Variants in DAB1 observed in about 807,000 individuals in gnomAD.
DAB1 encodes the protein DAB adaptor protein 1, also known as disabled homolog 1.
DAB1 carries 15 observed loss-of-function variants against 64.6 expected under a neutral mutation model. That is an observed-to-expected ratio of 0.23 (90% CI 0.16 to 0.36). The LOEUF is 0.36. Among genes scored for constraint, DAB1 ranks in the 10% least tolerant of loss-of-function variants. The pLI, the probability that DAB1 is intolerant of heterozygous loss-of-function variation, is 1.00. For missense variants in DAB1, 596 were observed against 706.7 expected (o/e 0.84, Z 1.78); for synonymous variants, 235 against 251.9 (o/e 0.93, Z 0.64).
intron 4 of DAB1, among the ~76,000 whole-genome samples, chr1:58,192,275 A>G (rs1278894357): frequency 3.3e-5 from 5 of 152,140 alleles, no homozygotes; most frequent in Non-Finnish European, 5.9e-5. Context: ...AATTATTTTT[A>G]ATTTTATATA....
chr1:57,641,378 G>GTTTTTTTTTTTTTTTTTTTTTTT (rs1491296848), intron 7 of DAB1, among the ~76,000 whole-genome samples: 2 of 109,802 alleles, frequency 1.8e-5, no homozygotes, highest in African/African-American at 3.3e-5. Context: ...TTTTTTTGTT[G>GTTTTTTTTTTTTTTTTTTTTTTT]GTTTTTTTTT....
At chr1:57,792,771 T>C (rs1182739198) in intron 6 of DAB1, among the ~76,000 whole-genome samples, 1 of 152,230 alleles carries the variant, frequency 6.6e-6, no homozygotes, top group African/African-American at 2.4e-5. Context: ...GAGAGCTTGG[T>C]TTCCTTTTAT....
At chr1:57,455,511 A>G (rs1686554854) in intron 7 of DAB1, among the ~76,000 whole-genome samples, 1 of 152,150 alleles carries the variant, frequency 6.6e-6, no homozygotes, top group Non-Finnish European at 1.5e-5. Context: ...CGATTAGGGT[A>G]GGTTTTAGTA....
chr1:57,332,736 T>C (rs1676775762), intron 1 of DAB1, among the ~76,000 whole-genome samples: 1 of 152,126 alleles, frequency 6.6e-6, no homozygotes, highest in Admixed American at 6.5e-5. Context: ...CCAATAGATT[T>C]AAAAAAATGG....
Position 58,300,602 on chromosome 1 carries a change from A to AAG in DAB1, n.309+42748_309+42749dup, listed in dbSNP as rs1415601253. ...AAAGAAAGAAAGAAAGAAAGAAAGA[A>AAG]AGAAAGAAAGAGAGAGAGAGAGAGA... On this transcript the variant is annotated intron_variant and non_coding_transcript_variant, in intron 4 of 20. Transcript: ENST00000485760. 6.2e-3 allele frequency among the ~76,000 whole-genome samples: 244 copies of AAG among 39,330 alleles called. 4 individuals carry two copies. Among genetic ancestry groups the AAG allele is most frequent in the African/African-American group, 0.02 (234 of 11,964 alleles). The allele number at this position is 39,330 out of a possible 152,430, so 25.8% of individuals were successfully genotyped here.
At chr1:57,163,337 T>C (rs1188690384) in intron 2 of DAB1, among the ~76,000 whole-genome samples, 1 of 152,046 alleles carries the variant, frequency 6.6e-6, no homozygotes, top group Non-Finnish European at 1.5e-5. Context: ...TCTGTAGAAA[T>C]GACATTTGAA....
upstream of DAB1, among the ~76,000 whole-genome samples, chr1:57,884,832 G>A (rs1053803392): frequency 1.3e-5 from 2 of 152,084 alleles, no homozygotes; most frequent in African/African-American, 2.4e-5. Context: ...GTGAGTTCTC[G>A]CTCTGTTAGT....
At chr1:57,733,134 C>T (rs1199806313) in intron 6 of DAB1, among the ~76,000 whole-genome samples, 1 of 152,050 alleles carries the variant, frequency 6.6e-6, no homozygotes, top group African/African-American at 2.4e-5. Context: ...ATAAGGAAAT[C>T]AACCACTGAA....
At position 57,568,411 on chromosome 1, in the gene DAB1, C is replaced by A. The variant is rs918846817; in HGVS notation, n.625+81181G>T. 3.3e-5 allele frequency among the ~76,000 whole-genome samples: 5 copies of A among 152,182 alleles called. No homozygotes were observed. In the East Asian group the frequency reaches 7.7e-4, roughly 24 times the overall value. On this transcript the variant is annotated intron_variant and non_coding_transcript_variant, in intron 7 of 20. Transcript: ENST00000485760. The stretch of plus-strand genomic sequence containing the variant: ...ACACCAAAAGCAATGGCAACAAAAG[C>A]CAAAATTGACAAATGGGATCGAATT...
chr1:57,890,456 C>CTTTTCT (rs751702640), intron 5 of DAB1, among the ~76,000 whole-genome samples: 1 of 136,616 alleles, frequency 7.3e-6, no homozygotes, highest in South Asian at 2.3e-4. Context: ...CTTTTCTTTT[C>CTTTTCT]TTTTTTTTTT....
intron 5 of DAB1, among the ~76,000 whole-genome samples, chr1:57,996,336 A>C (rs531343997): frequency 6.6e-6 from 1 of 152,228 alleles, no homozygotes; most frequent in Non-Finnish European, 1.5e-5. Flanking sequence ...GTATTTTTCA[A>C]AAACTTAGCA....
chr1:57,203,559 C>T (rs1454137381), intron 2 of DAB1, among the ~76,000 whole-genome samples: 1 of 152,148 alleles, frequency 6.6e-6, no homozygotes, highest in Non-Finnish European at 1.5e-5. Flanking sequence ...AACTGAAAGC[C>T]CACCTGGATT....
At chr1:58,436,968 C>A (rs1447714594) in intron 3 of DAB1, among the ~76,000 whole-genome samples, 2 of 152,222 alleles carry the variant, frequency 1.3e-5, no homozygotes, top group African/African-American at 4.8e-5. Flanking sequence ...TCTGTCCCAG[C>A]ACCTCTGGCC....
At chr1:57,543,914 C>T (rs771103391) in intron 7 of DAB1, among the ~76,000 whole-genome samples, 3 of 152,072 alleles carry the variant, frequency 2.0e-5, no homozygotes, top group Non-Finnish European at 2.9e-5. Context: ...CAAAACCAGC[C>T]TGGGCAACAT....
intron 7 of DAB1, among the ~76,000 whole-genome samples, chr1:57,446,893 C>T (rs1468365281): frequency 3.3e-5 from 5 of 152,110 alleles, no homozygotes; most frequent in Non-Finnish European, 7.4e-5. Context: ...CCATTATATC[C>T]TTAAGTATCC....
chr1:57,820,497 G>A (rs1188478119), intron 6 of DAB1, among the ~76,000 whole-genome samples: 3 of 151,786 alleles, frequency 2.0e-5, no homozygotes, highest in Non-Finnish European at 2.9e-5. Flanking sequence ...TAGCTATTTC[G>A]AAGTCCCATC....
intron 5 of DAB1, among the ~76,000 whole-genome samples, chr1:58,038,391 G>T (rs980619926): frequency 4.0e-5 from 6 of 150,626 alleles, no homozygotes; most frequent in African/African-American, 1.5e-4. Context: ...AGATCACCTT[G>T]TTATCTAGGT....
chr1:57,383,108 A>G (rs1164044108), intron 1 of DAB1, among the ~76,000 whole-genome samples: 1 of 152,154 alleles, frequency 6.6e-6, no homozygotes, highest in African/African-American at 2.4e-5. Flanking sequence ...TGTAGTGTTA[A>G]ATAAGGTGGT....
chr1:57,930,082 G>C (rs768772269), intron 5 of DAB1, among the ~76,000 whole-genome samples: 3 of 152,200 alleles, frequency 2.0e-5, no homozygotes, highest in Non-Finnish European at 2.9e-5. Flanking sequence ...AGGGTATAAA[G>C]TCTGGGTCTA....
Sources: gnomAD v4.1 joint callset for allele counts (sites outside exome capture counted in the v4.1 genomes callset) on GRCh38, gnomAD v4.1.1 for gene constraint, MANE v1.5 for transcripts, NCBI Gene and HGNC (gene_info 2026-07-23, HGNC 2026-07-21) for gene names.